Variants in DPP9 observed in about 807,000 individuals in gnomAD.
The protein encoded by DPP9 is dipeptidyl peptidase IV-related protein-2.
A neutral mutation model predicts 110.7 loss-of-function variants in DPP9; 50 were observed. The ratio of observed to expected loss-of-function variants is 0.45; its 90% CI spans 0.36 to 0.57. The LOEUF is 0.57. Ranked by LOEUF, DPP9 falls within the 20% of genes least tolerant of loss-of-function variation. The pLI is 0.00. For synonymous variants in DPP9, 561 were observed against 514.4 expected (o/e 1.09, Z -1.23); for missense variants, 1,022 against 1,217.9 (o/e 0.84, Z 2.39).
rs1437108436 is a variant in DPP9 at position 4,689,282 on chromosome 19, G to A, written c.1749+288C>T. On this transcript the variant is annotated intron_variant, in intron 15 of 21. Transcript: ENST00000262960. The surrounding 1 kb of genome is among the most constrained non-coding windows in gnomAD (Gnocchi z 7.0). ...ACCGCCTGACATTCTAGAATGTTCTGAGAGGCTAAGGGCCACATCCCACCG... is the reference window on the plus strand; with the variant it reads ...ACCGCCTGACATTCTAGAATGTTCTAAGAGGCTAAGGGCCACATCCCACCG... 6.6e-6 allele frequency among the ~76,000 whole-genome samples: 1 copy of A among 152,218 alleles called. No individual in the cohort carries two copies. The highest frequency in any genetic ancestry group is 2.4e-5 in the African/African-American group (1 of 41,460).
intron 2 of DPP9, chr19:4,722,142 G>T: frequency 3.8e-6 from 1 of 263,346 alleles, no homozygotes; most frequent in Non-Finnish European, 7.2e-6. Context: ...CACAGGAAGG[G>T]GGAGACTCAA....
At chr19:4,712,150 G>A (rs570722254) in intron 4 of DPP9, among the ~76,000 whole-genome samples, 3 of 152,336 alleles carry the variant, frequency 2.0e-5, no homozygotes, top group Admixed American at 6.5e-5. Context: ...CATGGCAGCC[G>A]TGGTCTGTAC....
rs369281412 is a variant in DPP9, at chr19:4,682,818, C to T, written c.2352G>A (p.Pro784=). 9.6e-5 allele frequency: 153 copies of T among 1,589,784 alleles called. No individual in the cohort carries two copies. The highest frequency in any genetic ancestry group is 1.2e-4 in the Non-Finnish European group (141 of 1,168,808). ...TGTCGTAGGCCATCCAGACGGTGAC[C>T]GGGGCACCCGCGATGGCCACCTGAG... The part of the protein sequence containing the change: ...QVFKVAIAGA[P]VTVWMAYDTG... The change falls in exon 20 of 22, where the codon CCG becomes CCA. Residue 784 remains proline, a synonymous_variant. Coordinates refer to ENST00000262960, the MANE Select transcript of DPP9 (RefSeq NM_139159.5). The surrounding 1 kb of genome is among the most constrained non-coding windows in gnomAD (Gnocchi z 7.1).
In DPP9 at chr19:4,718,987, C is replaced by T. The variant is rs2093199388; in HGVS notation, c.56+864G>A. Among the ~76,000 whole-genome samples, 1 of 152,092 alleles carries T rather than the reference C, an allele frequency of 6.6e-6. No homozygotes were observed. Among genetic ancestry groups the T allele is most frequent in the African/African-American group, 2.4e-5 (1 of 41,406 alleles). ...GCCCCGGGGGGTGCGTGTCTAACCACATTCCATCCACACCTGATTTTAGGG... is the reference window on the plus strand; with the variant it reads ...GCCCCGGGGGGTGCGTGTCTAACCATATTCCATCCACACCTGATTTTAGGG... On this transcript the variant is annotated intron_variant, in intron 3 of 21. Coordinates refer to ENST00000262960, the MANE Select transcript of DPP9 (RefSeq NM_139159.5). The surrounding 1 kb of genome is among the most constrained non-coding windows in gnomAD (Gnocchi z 4.3).
chr19:4,702,526 G>A, intron 8 of DPP9, 77 bp downstream of exon 8: 1 of 1,125,542 alleles, frequency 8.9e-7, no homozygotes, highest in Non-Finnish European at 1.3e-6. Flanking sequence ...AAGGAGTAAG[G>A]CGCAGGAAGG....
intron 13 of DPP9, among the ~76,000 whole-genome samples, chr19:4,692,731 T>G (rs1395682313): frequency 1.3e-5 from 2 of 152,108 alleles, no homozygotes; most frequent in Non-Finnish European, 2.9e-5. Context: ...GGCTGGCCCA[T>G]TTTCCCACAG....
chr19:4,697,745 C>G (rs7254243), intron 10 of DPP9, 94 bp from the exon 11 acceptor site: 84,447 of 984,170 alleles, frequency 0.086, 4,232 homozygotes, highest in Middle Eastern at 0.16. Flanking sequence ...CATGTCCCCC[C>G]CAAATTCATA....
At chr19:4,702,215 C>T (rs2092303217) in intron 8 of DPP9, 60 bp from the exon 9 acceptor site, 4 of 1,553,036 alleles carry the variant, frequency 2.6e-6, no homozygotes, top group Non-Finnish European at 3.5e-6. Context: ...CTGCCATCAG[C>T]ACCCCCCGCC....
rs901673020 is a variant in DPP9, at chr19:4,689,422, A to G, written c.1749+148T>C. The G allele has an allele frequency of 1.3e-5, 13 of 1,008,400 alleles. No individual in the cohort carries two copies. The Admixed American group carries it at 3.2e-4, about 25-fold the overall frequency. 62.5% of individuals were successfully genotyped at this position (1,008,400 alleles called of 1,614,324 possible). A position where few individuals can be genotyped will look rare whatever the true frequency, so the allele number is the denominator to read the frequency against. On this transcript the variant is annotated intron_variant, in intron 15 of 21. Coordinates refer to ENST00000262960, the MANE Select transcript of DPP9 (RefSeq NM_139159.5). The surrounding 1 kb of genome is among the most constrained non-coding windows in gnomAD (Gnocchi z 7.0). ...CCCTTCCCTGCCCTACCCAGGAGGC[A>G]GGGGTGGGCACTGCCTGCCCCAAGG... is the stretch of plus-strand genomic sequence containing the variant.
intron 2 of DPP9, 85 bp downstream of exon 2, chr19:4,722,414 C>G (rs2093362284): frequency 1.5e-6 from 1 of 670,154 alleles, no homozygotes; most frequent in African/African-American, 1.8e-5. Flanking sequence ...CATTTCCTGC[C>G]CATGTCTATA....
At chr19:4,701,537 T>C (rs1290763316) in intron 9 of DPP9, among the ~76,000 whole-genome samples, 1 of 152,238 alleles carries the variant, frequency 6.6e-6, no homozygotes, top group African/African-American at 2.4e-5. Context: ...CTTCTGTTTT[T>C]GTATGGCTGA....
intron 7 of DPP9, among the ~76,000 whole-genome samples, chr19:4,703,388 G>T (rs918515843): frequency 1.3e-4 from 20 of 151,686 alleles, no homozygotes; most frequent in African/African-American, 4.9e-4. Flanking sequence ...ACCTTGGGAG[G>T]CCGAGGCAGG....
intron 3 of DPP9, among the ~76,000 whole-genome samples, chr19:4,714,842 G>A (rs892206510): frequency 2.0e-5 from 3 of 151,934 alleles, no homozygotes; most frequent in South Asian, 4.2e-4. Context: ...CCCCTGCCAA[G>A]CCCTTGAATC....
At chr19:4,699,705 C>T (rs1489279308) in intron 10 of DPP9, among the ~76,000 whole-genome samples, 8 of 151,864 alleles carry the variant, frequency 5.3e-5, no homozygotes, top group South Asian at 4.2e-4. Flanking sequence ...CTGAGGAGGT[C>T]GGGGGGATGG....
chr19:4,698,604 T>C lies in DPP9; in HGVS notation c.1075-953A>G, dbSNP rs951413451. Among the ~76,000 whole-genome samples the C allele has an allele frequency of 1.3e-5, 2 of 151,970 alleles. No individual in the cohort carries two copies. The highest frequency in any genetic ancestry group is 1.5e-5 in the Non-Finnish European group (1 of 67,986). On this transcript the variant is annotated intron_variant, in intron 10 of 21. Transcript: ENST00000262960. The surrounding 1 kb of genome is among the most constrained non-coding windows in gnomAD (Gnocchi z 4.2). ...CCATCTCTACAAAACCCACAATTAG[T>C]TAGGTGTGGTGGTGCATGCCTGTAG...
At position 4,710,216 on chromosome 19, in the gene DPP9, C is replaced by G. The variant is rs576762025; in HGVS notation, c.313+3865G>C. ...TTCCCGTCACTGCACGCTGTGGCCT[C>G]GAGTGGCTGGCCTGGTGGGGGATCG... On this transcript the variant is annotated intron_variant, in intron 4 of 21. Transcript: ENST00000262960. This position sits in a 1 kb window ranked among gnomAD's most constrained non-coding sequence, Gnocchi z 5.6. Among the ~76,000 whole-genome samples, 9 of 152,174 alleles carry G rather than the reference C, an allele frequency of 5.9e-5. No homozygotes were observed. Among genetic ancestry groups the G allele is most frequent in the Non-Finnish European group, 1.3e-4 (9 of 68,034 alleles).
Position 4,684,715 on chromosome 19 carries a change from C to T in DPP9, c.2126G>A (p.Arg709Lys). 6.2e-7 allele frequency: 1 copy of T among 1,612,104 alleles called. No individual in the cohort carries two copies. Among genetic ancestry groups the T allele is most frequent in the South Asian group, 1.1e-5 (1 of 90,644 alleles). ...LGYAVVVIDG[R>K]GSCQRGLRFE... ...CCGAAGCCCTCGCTGACAGGAGCCC[C>T]TGCCGTCAATCACAACCACGGCGTA... The change falls in exon 18 of 22, where the codon AGG becomes AAG. Residue 709 changes from arginine to lysine, a missense_variant. Physicochemically the swap from Arg to Lys is conservative, Grantham distance 26. This residue lies in a region of DPP9 where 209 missense variants were observed against 280.4 expected (regional missense o/e 0.75). Coordinates refer to ENST00000262960, the MANE Select transcript of DPP9 (RefSeq NM_139159.5). This position sits in a 1 kb window ranked among gnomAD's most constrained non-coding sequence, Gnocchi z 4.8.
rs114346470 is a variant in DPP9, at chr19:4,691,090, C to T, written c.1517-133G>A. On this transcript the variant is annotated intron_variant, in intron 13 of 21. Coordinates refer to ENST00000262960, the MANE Select transcript of DPP9 (RefSeq NM_139159.5). ...AACCCCGGCTTGCTGTGAACTCAGA[C>T]GCCAGCACAGGCCACTGCGTCAGAC... The T allele has an allele frequency of 1.7e-3, 1,160 of 683,434 alleles. 12 individuals carry two copies. In the African/African-American group the frequency reaches 0.018, roughly 11 times the overall value. The allele number at this position is 683,434 out of a possible 1,614,324, so 42.3% of individuals were successfully genotyped here.
Position 4,704,080 on chromosome 19 carries a change from G to A in DPP9, c.601-26C>T, listed in dbSNP as rs532201050. 2 of 1,613,678 alleles carry A rather than the reference G, an allele frequency of 1.2e-6. No homozygotes were observed. The highest frequency in any genetic ancestry group is 2.2e-5 in the East Asian group (1 of 44,870). Reference sequence around the variant, plus strand: ...CTGAGGACAGAGACGCCCAGCTCAGGGGGAGGGGCCCTCCACGCCACCCCC... The same window carrying A: ...CTGAGGACAGAGACGCCCAGCTCAGAGGGAGGGGCCCTCCACGCCACCCCC... On this transcript the variant is annotated intron_variant, in intron 6 of 21. Coordinates refer to ENST00000262960, the MANE Select transcript of DPP9 (RefSeq NM_139159.5). This position sits in a 1 kb window ranked among gnomAD's most constrained non-coding sequence, Gnocchi z 6.0.
Sources: allele counts gnomAD v4.1 joint callset (sites outside exome capture counted in the v4.1 genomes callset), GRCh38; gene constraint gnomAD v4.1.1; regional missense constraint gnomAD v4.1.1; non-coding constraint Gnocchi (gnomAD v3.1); transcripts MANE v1.5; gene names NCBI Gene and HGNC (gene_info 2026-07-23, HGNC 2026-07-21).